C12orf42: variants seen among roughly 807,000 people sequenced by gnomAD.
C12orf42 encodes uncharacterized protein C12orf42.
C12orf42 carries 25 observed loss-of-function variants against 21.6 expected under a neutral mutation model. The observed-to-expected ratio is 1.16, with a 90% confidence interval of 0.84 to 1.62. The LOEUF (loss-of-function observed/expected upper bound fraction) is 1.62. Ranked by LOEUF, C12orf42 falls within the 40% of genes most tolerant of loss-of-function variation. The probability of loss-of-function intolerance (pLI) is 0.00; values close to 1 mark genes in which losing one functional copy is unlikely to be tolerated. For synonymous variants in C12orf42, 174 were observed against 175.0 expected (o/e 0.99, Z 0.05); for missense variants, 483 against 459.3 (o/e 1.05, Z -0.47).
intron 5 of C12orf42, among the ~76,000 whole-genome samples, chr12:103,272,280 C>T (rs963894414): frequency 6.6e-6 from 1 of 152,138 alleles, no homozygotes; most frequent in African/African-American, 2.4e-5. Flanking sequence ...TTAAAGGAGC[C>T]ACTCAGGCAA....
the C12orf42 span, among the ~76,000 whole-genome samples, chr12:103,072,136 G>A: frequency 3.3e-5 from 5 of 152,236 alleles, no homozygotes; most frequent in East Asian, 9.7e-4. Flanking sequence ...TCACTTTTGT[G>A]CTACTTAAGC....
the C12orf42 span, among the ~76,000 whole-genome samples, chr12:103,513,088 T>G: frequency 6.6e-6 from 1 of 152,012 alleles, no homozygotes; most frequent in Non-Finnish European, 1.5e-5. Context: ...AAAAGCTTGC[T>G]GATATTCCCT....
downstream of C12orf42, among the ~76,000 whole-genome samples, chr12:103,300,634 A>T (rs1003028735): frequency 1.8e-4 from 28 of 152,232 alleles, no homozygotes; most frequent in African/African-American, 6.5e-4. Flanking sequence ...AAATAACTTA[A>T]AGTAATGATG....
chr12:103,243,071 T>C (rs1236478044), intron 10 of C12orf42, among the ~76,000 whole-genome samples: 1 of 152,184 alleles, frequency 6.6e-6, no homozygotes, highest in East Asian at 1.9e-4. Context: ...TTGTTTAGGC[T>C]AGAGTGCAGT....
intron 3 of C12orf42, among the ~76,000 whole-genome samples, chr12:103,376,964 T>A (rs1040508023): frequency 4.6e-5 from 7 of 151,988 alleles, no homozygotes; most frequent in Non-Finnish European, 1.0e-4. Flanking sequence ...TTCTTTCTAC[T>A]TTCTAAGGGC....
At chr12:103,527,222 T>C in the C12orf42 span, among the ~76,000 whole-genome samples, 39 of 152,266 alleles carry the variant, frequency 2.6e-4, no homozygotes, top group African/African-American at 9.1e-4. Context: ...CCACTGGACA[T>C]GAACATGTCT....
the C12orf42 span, among the ~76,000 whole-genome samples, chr12:103,528,586 C>T: frequency 6.6e-6 from 1 of 152,150 alleles, no homozygotes; most frequent in Admixed American, 6.5e-5. Context: ...AGCAACCCCT[C>T]CTCTCTCTTG....
intron 2 of C12orf42, among the ~76,000 whole-genome samples, chr12:103,431,605 GA>G (rs1287522833): frequency 1.3e-5 from 2 of 152,190 alleles, no homozygotes; most frequent in Non-Finnish European, 2.9e-5. Flanking sequence ...GGGTCATTTT[GA>G]AGATGAAATG....
At chr12:103,368,378 A>C (rs1445116175) in intron 4 of C12orf42, among the ~76,000 whole-genome samples, 1 of 151,470 alleles carries the variant, frequency 6.6e-6, no homozygotes, top group Non-Finnish European at 1.5e-5. Flanking sequence ...GCTGTCAATC[A>C]AGTGGCCTAC....
the C12orf42 span, among the ~76,000 whole-genome samples, chr12:103,123,191 A>G: frequency 6.6e-6 from 1 of 152,226 alleles, no homozygotes; most frequent in Non-Finnish European, 1.5e-5. Flanking sequence ...CCTGCCTTGC[A>G]ATGCTAGTGA....
intron 3 of C12orf42, among the ~76,000 whole-genome samples, chr12:103,374,877 G>A: frequency 6.6e-6 from 1 of 152,156 alleles, no homozygotes; most frequent in Non-Finnish European, 1.5e-5. Flanking sequence ...TGATAAAGAT[G>A]ATTCTGATAA....
At chr12:103,376,629 C>T (rs938179425) in intron 3 of C12orf42, among the ~76,000 whole-genome samples, 6 of 152,026 alleles carry the variant, frequency 3.9e-5, no homozygotes, top group African/African-American at 1.2e-4. Context: ...TAGTCTGATA[C>T]CATTATGTTC....
At chr12:103,219,807 T>G in the C12orf42 span, among the ~76,000 whole-genome samples, 5 of 152,166 alleles carry the variant, frequency 3.3e-5, no homozygotes, top group African/African-American at 1.2e-4. Flanking sequence ...TTATACACTG[T>G]TGGTGGAAGT....
At chr12:103,439,462 G>A (rs1172419109) in intron 2 of C12orf42, among the ~76,000 whole-genome samples, 1 of 102,290 alleles carries the variant, frequency 9.8e-6, no homozygotes, top group Non-Finnish European at 2.0e-5. Flanking sequence ...CCATCAGAGT[G>A]AACAGGCACC....
chr12:103,475,392 T>C (rs533313951), intron 2 of C12orf42, among the ~76,000 whole-genome samples: 8 of 152,322 alleles, frequency 5.3e-5, no homozygotes, highest in African/African-American at 1.9e-4. Flanking sequence ...GGACCAAAGA[T>C]GAAGAAATGG....
intron 2 of C12orf42, among the ~76,000 whole-genome samples, chr12:103,456,870 A>C (rs576358609): frequency 6.6e-6 from 1 of 152,324 alleles, no homozygotes; most frequent in African/African-American, 2.4e-5. Context: ...TAAACAATCC[A>C]GGAAAATCCT....
At chr12:103,273,901 A>C (rs1403503444) in intron 5 of C12orf42, 1 of 456,194 alleles carries the variant, frequency 2.2e-6, no homozygotes, top group Admixed American at 2.3e-5. Flanking sequence ...GCCAAAGTCC[A>C]AGGAGGACGA....
the C12orf42 span, among the ~76,000 whole-genome samples, chr12:103,513,252 T>A: frequency 5.9e-5 from 9 of 152,266 alleles, no homozygotes; most frequent in African/African-American, 2.2e-4. Flanking sequence ...AAAAGAACTC[T>A]CTTTCTGTAG....
chr12:103,439,184 C>T (rs1282204807), intron 2 of C12orf42, among the ~76,000 whole-genome samples: 1 of 150,972 alleles, frequency 6.6e-6, no homozygotes, highest in Admixed American at 6.6e-5. Context: ...ATAAATGGTG[C>T]TGGGAAAACT....
Sources: allele counts gnomAD v4.1 joint callset (sites outside exome capture counted in the v4.1 genomes callset), GRCh38; gene constraint gnomAD v4.1.1; transcripts MANE v1.5; gene names NCBI Gene and HGNC (gene_info 2026-07-23, HGNC 2026-07-21).